NME4: variants seen among roughly 807,000 people sequenced by gnomAD.
The protein encoded by NME4 is nucleoside diphosphate kinase D, mitochondrial.
In NME4, 21 loss-of-function variants were observed where a neutral mutation model predicts 16.4. That is an observed-to-expected ratio of 1.28 (90% confidence interval 0.91 to 1.84). NME4 has a LOEUF of 1.84. Among genes scored for constraint, NME4 ranks in the 40% most tolerant of loss-of-function variants. The probability of loss-of-function intolerance (pLI) is 0.00; values close to 1 mark genes in which losing one functional copy is unlikely to be tolerated. For missense variants in NME4, 316 were observed against 261.3 expected, an observed-to-expected ratio of 1.21 and a Z score of -1.44; for synonymous variants, 132 against 107.5, an observed-to-expected ratio of 1.23 and a Z score of -1.41.
In NME4 at chr16:397,222, C is replaced by G; in HGVS notation, c.-1C>G. On this transcript the variant is annotated 5_prime_UTR_variant, in exon 1 of 5. Transcript: ENST00000219479. ...TCACAGCGGCCCGCGGGCCGGGCGT[C>G]ATGGGCGGCCTCTTCTGGCGCTCCG... The G allele has an allele frequency of 9.8e-7, 1 of 1,022,530 alleles. No individual in the cohort carries two copies. Among genetic ancestry groups the G allele is most frequent in the Non-Finnish European group, 1.2e-6 (1 of 856,090 alleles). The allele number at this position is 1,022,530 out of a possible 1,614,324, so 63.3% of individuals were successfully genotyped here.
At chr16:396,941 G>T (rs2054555571), upstream of NME4, 1 of 152,442 alleles carries the variant, frequency 6.6e-6, no homozygotes, top group Non-Finnish European at 1.5e-5. Flanking sequence ...TCCCGAGTGG[G>T]CCTTCCTCCG....
intron 1 of NME4, chr16:397,751 C>T: frequency 1.2e-6 from 1 of 842,556 alleles, no homozygotes; most frequent in South Asian, 3.9e-5. Context: ...GGGGGAGCCG[C>T]TCCGCTGGGG....
In NME4 at chr16:398,499, C is replaced by T. The variant is rs1168148350; in HGVS notation, c.92-491C>T. 9 of 886,414 alleles carry T rather than the reference C, an allele frequency of 1.0e-5. No homozygotes were observed. In the African/African-American group the frequency reaches 1.6e-4, roughly 16 times the overall value. 54.9% of individuals were successfully genotyped at this position (886,414 alleles called of 1,614,324 possible). On this transcript the variant is annotated intron_variant, in intron 1 of 4. Transcript: ENST00000219479. ...CGGGGCTTCAGACCATGTCTGTCGT[C>T]ATCCAGAAGGGATGGAGTCAAAAGT...
intron 1 of NME4, 47 bp from the exon 2 acceptor site, chr16:398,943 C>T (rs371649576): frequency 4.9e-5 from 78 of 1,603,700 alleles, no homozygotes; most frequent in South Asian, 7.7e-5. Context: ...GTCGTGGGGA[C>T]GTGAAAGGGT....
intron 1 of NME4, chr16:397,707 T>TGTGGGGGGGTGAGGGGGTCGGGGGTGGGG: frequency 3.7e-4 from 1 of 2,684 alleles, no homozygotes; most frequent in East Asian, 0.025. Context: ...GGGGTGGGGG[T>TGTGGGGGGGTGAGGGGGTCGGGGGTGGGG]GTGGGGGGGT....
chr16:398,873 C>T, intron 1 of NME4, 117 bp from the exon 2 acceptor site: 1 of 1,411,336 alleles, frequency 7.1e-7, no homozygotes, highest in Non-Finnish European at 9.7e-7. Context: ...CCAGAGTGCC[C>T]TGCATAGAGG....
rs904991928 is a variant in NME4 at position 399,135 on chromosome 16, C to G, written c.225+12C>G. 6.3e-7 allele frequency: 1 copy of G among 1,595,788 alleles called. No homozygotes were observed. The highest frequency in any genetic ancestry group is 1.3e-5 in the African/African-American group (1 of 74,844). ...TGAAGATGCTGCAGGTAGTGGGACT[C>G]TGGGCTTGTGGGTGTCCCTGTGGGG... On this transcript the variant is annotated intron_variant, in intron 2 of 4. Transcript: ENST00000219479.
intron 1 of NME4, chr16:398,355 C>G (rs1195585512): frequency 7.8e-7 from 1 of 1,281,492 alleles, no homozygotes; most frequent in Non-Finnish European, 1.0e-6. Flanking sequence ...TCTTCAGGCC[C>G]CTTTTTGTCC....
chr16:398,986 G>A lies in NME4; in HGVS notation c.92-4G>A. ...CAGTGCCTCTGACCTCTTGCCTTTTGAAGGAGGGCCCTCCTGGACCCGGGA... is the reference window on the plus strand; with the variant it reads ...CAGTGCCTCTGACCTCTTGCCTTTTAAAGGAGGGCCCTCCTGGACCCGGGA... On this transcript the variant is annotated splice_region_variant and splice_polypyrimidine_tract_variant and intron_variant, in intron 1 of 4. Transcript: ENST00000219479. The A allele has an allele frequency of 6.2e-7, 1 of 1,609,984 alleles. No individual in the cohort carries two copies.
In NME4 at chr16:397,886, T is replaced by G. The variant is rs762839781; in HGVS notation, c.91+573T>G. On this transcript the variant is annotated intron_variant, in intron 1 of 4. Transcript: ENST00000219479. ...GGACGATCCATGTCCCAGGGCTCCC[T>G]CCATCGGCTCTGAAAAGTGAGCCGC... The G allele has an allele frequency of 6.0e-5, 93 of 1,554,324 alleles. 1 individual carries two copies. The East Asian group carries it at 2.0e-3, about 34-fold the overall frequency.
rs368464683 is a variant in NME4 at position 399,376 on chromosome 16, C to A, written c.226-3C>A. On this transcript the variant is annotated splice_region_variant and splice_polypyrimidine_tract_variant and intron_variant, in intron 2 of 4. Coordinates refer to ENST00000219479, the MANE Select transcript of NME4 (RefSeq NM_005009.3). ...GGCTCCTCCTTACCTCAATGCCACC[C>A]AGGCACCAGAGAGCGTCCTTGCCGA... 22 of 1,612,728 alleles carry A rather than the reference C, an allele frequency of 1.4e-5. No individual in the cohort carries two copies. The African/African-American group carries it at 2.5e-4, about 19-fold the overall frequency.
At chr16:399,183 G>A (rs927160422) in intron 2 of NME4, 60 bp downstream of exon 2, 25 of 1,593,282 alleles carry the variant, frequency 1.6e-5, no homozygotes, top group African/African-American at 1.1e-4. Flanking sequence ...GATCCTTCTC[G>A]GCCTTTCACA....
At position 399,091 on chromosome 16, in the gene NME4, G is replaced by C. The variant is rs1437119406; in HGVS notation, c.193G>C (p.Gly65Arg). 1 of 1,599,052 alleles carries C rather than the reference G, an allele frequency of 6.3e-7. No individual in the cohort carries two copies. Among genetic ancestry groups the C allele is most frequent in the Admixed American group, 1.7e-5 (1 of 59,532 alleles). Residue 65 changes from glycine (G) to arginine (R), a missense_variant, in exon 2 of 5, where the codon GGC becomes CGC. Coordinates refer to ENST00000219479, the MANE Select transcript of NME4 (RefSeq NM_005009.3). ...GDVIQRFERR[G>R]FTLVGMKMLQ... ...CGTGATCCAGCGCTTTGAGAGGCGG[G>C]GCTTCACGCTGGTGGGGATGAAGAT...
chr16:398,626 C>G (rs750506177), intron 1 of NME4: 2 of 402,314 alleles, frequency 5.0e-6, no homozygotes, highest in Non-Finnish European at 9.1e-6. Context: ...CTGTCCCTCC[C>G]TGGACCTTGA....
intron 4 of NME4, 51 bp from the exon 5 acceptor site, chr16:400,168 C>G: frequency 6.2e-7 from 1 of 1,612,108 alleles, no homozygotes; most frequent in Non-Finnish European, 8.5e-7. Flanking sequence ...CCTGGGATTC[C>G]TCAGGGTGCA....
chr16:397,900 A>C lies in NME4; in HGVS notation c.91+587A>C, dbSNP rs2054581205. 1.9e-6 allele frequency: 3 copies of C among 1,553,980 alleles called. No individual in the cohort carries two copies. In the Admixed American group the frequency reaches 5.8e-5, roughly 30 times the overall value. On this transcript the variant is annotated intron_variant, in intron 1 of 4. Transcript: ENST00000219479. Reference sequence around the variant, plus strand: ...CCAGGGCTCCCTCCATCGGCTCTGAAAAGTGAGCCGCCGCCTGCAATGCCC... The same window carrying C: ...CCAGGGCTCCCTCCATCGGCTCTGACAAGTGAGCCGCCGCCTGCAATGCCC...
intron 1 of NME4, chr16:398,380 C>A: frequency 8.0e-7 from 1 of 1,257,660 alleles, no homozygotes; most frequent in East Asian, 5.7e-5. Context: ...TTCCAGGGCT[C>A]ACCTGGTGGG....
Position 400,459 on chromosome 16 carries a change from T to C in NME4, c.*117T>C. The C allele has an allele frequency of 7.5e-7, 1 of 1,330,952 alleles. No individual in the cohort carries two copies. Among genetic ancestry groups the C allele is most frequent in the Non-Finnish European group, 1.0e-6 (1 of 993,100 alleles). The allele number at this position is 1,330,952 out of a possible 1,614,324, so 82.4% of individuals were successfully genotyped here. On this transcript the variant is annotated 3_prime_UTR_variant, in exon 5 of 5. Coordinates refer to ENST00000219479, the MANE Select transcript of NME4 (RefSeq NM_005009.3). ...CAAACCACTTACTTCCCTGTTCACC[T>C]CTGCCCCACCCCAGCCCAGAGGAGT...
In NME4 at chr16:397,257, G is replaced by T. The variant is rs1450706619; in HGVS notation, c.35G>T (p.Gly12Val). 2 of 1,049,602 alleles carry T rather than the reference G, an allele frequency of 1.9e-6. No homozygotes were observed. Among genetic ancestry groups the T allele is most frequent in the South Asian group, 4.5e-5 (1 of 22,456 alleles). The allele number at this position is 1,049,602 out of a possible 1,614,324, so 65.0% of individuals were successfully genotyped here. A position where few individuals can be genotyped will look rare whatever the true frequency, so the allele number is the denominator to read the frequency against. Residue 12 changes from glycine to valine, a missense_variant, in exon 1 of 5, where the codon GGG becomes GTG. By Grantham distance (109) the Gly-to-Val change is moderately radical. Coordinates refer to ENST00000219479, the MANE Select transcript of NME4 (RefSeq NM_005009.3). ...CTCTTCTGGCGCTCCGCGCTGCGGG[G>T]GCTGCGCTGCGGCCCGCGGGCCCCG... is the stretch of plus-strand genomic sequence containing the variant. ...GGLFWRSALRGLRCGPRAPGP... is the reference protein window; with the variant it reads ...GGLFWRSALRVLRCGPRAPGP...
Sources: allele counts gnomAD v4.1 joint callset, GRCh38; gene constraint gnomAD v4.1.1; transcripts MANE v1.5; gene names NCBI Gene and HGNC (gene_info 2026-07-23, HGNC 2026-07-21).